The following RBFOX1 variants were observed in gnomAD, a reference collection of about 807,000 sequenced individuals.
RBFOX1 encodes the protein RNA binding fox-1 homolog 1, also known as RNA binding protein fox-1 homolog 1.
In RBFOX1, 8 loss-of-function variants were observed where a neutral mutation model predicts 57.7. That is an observed-to-expected ratio of 0.14 (90% CI 0.08 to 0.25). The LOEUF (loss-of-function observed/expected upper bound fraction) is 0.25. Among genes scored for constraint, RBFOX1 ranks in the 10% least tolerant of loss-of-function variants. The pLI, the probability that RBFOX1 is intolerant of heterozygous loss-of-function variation, is 1.00. For synonymous variants in RBFOX1, 326 were observed against 222.4 expected (o/e 1.47, Z -4.15); for missense variants, 611 against 548.5 (o/e 1.11, Z -1.14).
intron 2 of RBFOX1, among the ~76,000 whole-genome samples, chr16:6,422,642 G>T (rs2093808099): frequency 1.3e-5 from 2 of 152,244 alleles, no homozygotes; most frequent in South Asian, 2.1e-4. Context: ...TGACTCACAT[G>T]GCAGGAGCAG....
chr16:5,667,665 C>A (rs1483093595), intron 3 of RBFOX1, among the ~76,000 whole-genome samples: 1 of 152,132 alleles, frequency 6.6e-6, no homozygotes, highest in Non-Finnish European at 1.5e-5. Context: ...TGATTGATCT[C>A]TGGATATCTT....
intron 2 of RBFOX1, among the ~76,000 whole-genome samples, chr16:6,562,872 C>CTTTT (rs1319403281): frequency 4.1e-5 from 2 of 49,264 alleles, no homozygotes; most frequent in East Asian, 5.0e-4. Context: ...TTCTTTCTTT[C>CTTTT]TTTCTTTCTT....
chr16:7,624,124 A>C (rs1596711818), intron 10 of RBFOX1, among the ~76,000 whole-genome samples: 2 of 152,184 alleles, frequency 1.3e-5, no homozygotes, highest in Non-Finnish European at 2.9e-5. Context: ...CCACCTTTGT[A>C]ATGCCAGTAA....
Position 6,088,118 on chromosome 16 carries a change from A to G in RBFOX1, c.-127+68126A>G, listed in dbSNP as rs111814591. On this transcript the variant is annotated intron_variant, in intron 1 of 15. Coordinates refer to ENST00000550418, the MANE Select transcript of RBFOX1 (RefSeq NM_018723.4). Reference sequence around the variant, plus strand: ...TTCACCGTCTCGTTATTTCAACCTCATCATCTGTAACGGTGGCCATAGAAC... The same window carrying G: ...TTCACCGTCTCGTTATTTCAACCTCGTCATCTGTAACGGTGGCCATAGAAC... 2.5e-3 allele frequency among the ~76,000 whole-genome samples: 385 copies of G among 152,290 alleles called. 4 individuals are homozygous for G. The highest frequency in any genetic ancestry group is 8.2e-3 in the African/African-American group (341 of 41,572).
chr16:6,638,309 G>A (rs1462785579), intron 2 of RBFOX1, among the ~76,000 whole-genome samples: 2 of 152,080 alleles, frequency 1.3e-5, no homozygotes, highest in Non-Finnish European at 2.9e-5. Context: ...TAAAATTAGT[G>A]TTTTAAAGAA....
intron 4 of RBFOX1, among the ~76,000 whole-genome samples, chr16:7,135,828 C>T (rs975684966): frequency 1.5e-4 from 23 of 152,214 alleles, no homozygotes; most frequent in Admixed American, 7.2e-4. Flanking sequence ...TTTTTGACTG[C>T]AGATTGGCCT....
chr16:7,370,480 C>G (rs958986872), intron 4 of RBFOX1, among the ~76,000 whole-genome samples: 2 of 152,144 alleles, frequency 1.3e-5, no homozygotes, highest in African/African-American at 4.8e-5. Flanking sequence ...TTTTTATCAA[C>G]GCGGGTAAGT....
chr16:6,980,157 A>C (rs1411320111), intron 3 of RBFOX1, among the ~76,000 whole-genome samples: 1 of 152,204 alleles, frequency 6.6e-6, no homozygotes, highest in East Asian at 1.9e-4. Flanking sequence ...CTCTTCAATT[A>C]AGCCTCCGCA....
At position 6,421,245 on chromosome 16, in the gene RBFOX1, C is replaced by G. The variant is rs375504377; in HGVS notation, c.-64+104188C>G. ...CTTCGGGAGGGGACAGAGGGCAGCCCGCATCTCTGCTCTTCCATCTGGAGC... is the reference window on the plus strand; with the variant it reads ...CTTCGGGAGGGGACAGAGGGCAGCCGGCATCTCTGCTCTTCCATCTGGAGC... On this transcript the variant is annotated intron_variant, in intron 2 of 15. Coordinates refer to ENST00000550418, the MANE Select transcript of RBFOX1 (RefSeq NM_018723.4). 7.2e-5 allele frequency among the ~76,000 whole-genome samples: 11 copies of G among 152,262 alleles called. No homozygotes were observed. In the East Asian group the frequency reaches 1.5e-3, roughly 21 times the overall value.
chr16:7,035,920 C>T (rs1022494841), intron 3 of RBFOX1, among the ~76,000 whole-genome samples: 2 of 152,082 alleles, frequency 1.3e-5, no homozygotes, highest in Non-Finnish European at 2.9e-5. Context: ...CAACAGTCAC[C>T]ACCACCACCC....
intron 3 of RBFOX1, among the ~76,000 whole-genome samples, chr16:6,721,195 T>A (rs1456383415): frequency 6.6e-6 from 1 of 152,144 alleles, no homozygotes; most frequent in South Asian, 2.1e-4. Flanking sequence ...ATAATCCCAG[T>A]ACTTTGGAAG....
intron 4 of RBFOX1, among the ~76,000 whole-genome samples, chr16:7,117,934 G>A (rs1037316928): frequency 4.6e-5 from 7 of 152,308 alleles, no homozygotes; most frequent in African/African-American, 1.7e-4. Flanking sequence ...GAGAGACAGA[G>A]ACAGAGAGGG....
intron 1 of RBFOX1, among the ~76,000 whole-genome samples, chr16:5,390,531 C>T (rs1295298994): frequency 1.3e-5 from 2 of 152,128 alleles, no homozygotes; most frequent in Non-Finnish European, 2.9e-5. Flanking sequence ...TCAAGTGATC[C>T]ACCTGCCTCG....
intron 1 of RBFOX1, among the ~76,000 whole-genome samples, chr16:5,450,763 G>A (rs895030311): frequency 3.9e-5 from 6 of 152,186 alleles, no homozygotes; most frequent in African/African-American, 1.4e-4. Flanking sequence ...AGTTGCTGCA[G>A]GCCCCCTTGT....
chr16:7,381,898 C>T (rs2097787317), intron 4 of RBFOX1, among the ~76,000 whole-genome samples: 1 of 152,154 alleles, frequency 6.6e-6, no homozygotes, highest in Admixed American at 6.5e-5. Flanking sequence ...TAAATGCCAA[C>T]TGTAGTTCTC....
intron 4 of RBFOX1, among the ~76,000 whole-genome samples, chr16:7,088,354 A>C (rs1189627543): frequency 6.6e-6 from 1 of 152,148 alleles, no homozygotes; most frequent in Non-Finnish European, 1.5e-5. Flanking sequence ...CTCTCTCACA[A>C]GTGACTACTT....
At chr16:5,805,566 C>G (rs997664271) in intron 3 of RBFOX1, among the ~76,000 whole-genome samples, 2 of 152,080 alleles carry the variant, frequency 1.3e-5, no homozygotes, top group Admixed American at 6.5e-5. Flanking sequence ...AAGAGTTGAA[C>G]AAAGGAATTG....
chr16:6,743,015 T>A (rs2072660137), intron 3 of RBFOX1, among the ~76,000 whole-genome samples: 1 of 152,182 alleles, frequency 6.6e-6, no homozygotes, highest in Non-Finnish European at 1.5e-5. Context: ...TTGCATAAGA[T>A]GTAACAAATG....
chr16:6,926,212 C>T (rs773258235), intron 3 of RBFOX1, among the ~76,000 whole-genome samples: 2 of 152,156 alleles, frequency 1.3e-5, no homozygotes, highest in Non-Finnish European at 2.9e-5. Flanking sequence ...GAGGCTGAGG[C>T]AGGAGACTCC....
Sources: allele counts gnomAD v4.1 joint callset (sites outside exome capture counted in the v4.1 genomes callset), GRCh38; gene constraint gnomAD v4.1.1; transcripts MANE v1.5; gene names NCBI Gene and HGNC (gene_info 2026-07-23, HGNC 2026-07-21).